The following SLC26A7 variants were observed in gnomAD, a reference collection of about 807,000 sequenced individuals.
SLC26A7 encodes anion exchange transporter.
A neutral mutation model predicts 82.5 loss-of-function variants in SLC26A7; 59 were observed. That is an observed-to-expected ratio of 0.72 (90% CI 0.58 to 0.89). The LOEUF is 0.89. SLC26A7 is among the 40% of genes least tolerant of loss of function. The pLI is 0.00. For synonymous variants in SLC26A7, 271 were observed against 274.3 expected, an observed-to-expected ratio of 0.99 and a Z score of 0.12; for missense variants, 820 against 793.0, an observed-to-expected ratio of 1.03 and a Z score of -0.41.
intron 4 of SLC26A7, among the ~76,000 whole-genome samples, chr8:91,316,004 T>G (rs1249039152): frequency 6.6e-6 from 1 of 152,168 alleles, no homozygotes; most frequent in Non-Finnish European, 1.5e-5. Context: ...TAGGATGTGG[T>G]AGAACCTGGG....
At chr8:91,382,768 G>T (rs1435650286) in intron 15 of SLC26A7, among the ~76,000 whole-genome samples, 1 of 152,020 alleles carries the variant, frequency 6.6e-6, no homozygotes, top group Admixed American at 6.6e-5. Context: ...AATTTCCATT[G>T]TATTATCCTT....
intron 15 of SLC26A7, among the ~76,000 whole-genome samples, chr8:91,377,141 T>C (rs1279705637): frequency 6.6e-6 from 1 of 152,094 alleles, no homozygotes; most frequent in African/African-American, 2.4e-5. Flanking sequence ...GGGTTCACTT[T>C]CAATAGTGGT....
chr8:91,297,248 A>T (rs1395923199), intron 4 of SLC26A7, among the ~76,000 whole-genome samples: 5 of 152,072 alleles, frequency 3.3e-5, no homozygotes, highest in Non-Finnish European at 1.5e-5. Context: ...ATCTAAGAGT[A>T]TACATAATTA....
chr8:91,245,831 T>C (rs1164673769), upstream of SLC26A7, among the ~76,000 whole-genome samples: 1 of 152,132 alleles, frequency 6.6e-6, no homozygotes, highest in Non-Finnish European at 1.5e-5. Context: ...CTGGCCAAAT[T>C]CCCTCACACT....
At chr8:91,383,817 C>G (rs980775999) in intron 15 of SLC26A7, among the ~76,000 whole-genome samples, 7 of 152,218 alleles carry the variant, frequency 4.6e-5, no homozygotes, top group Non-Finnish European at 1.5e-5. Flanking sequence ...AGTCTCAGCT[C>G]ACACATCACA....
intron 9 of SLC26A7, among the ~76,000 whole-genome samples, chr8:91,346,224 G>T (rs970832490): frequency 6.6e-6 from 1 of 152,058 alleles, no homozygotes; most frequent in African/African-American, 2.4e-5. Flanking sequence ...CCATTAAATT[G>T]CACAGGGAAA....
chr8:91,338,456 G>T (rs13263602), intron 7 of SLC26A7, among the ~76,000 whole-genome samples: 1 of 151,862 alleles, frequency 6.6e-6, no homozygotes, highest in African/African-American at 2.4e-5. Flanking sequence ...ATTGCTTCAG[G>T]TAAAAGGTTT....
chr8:91,362,437 A>G lies in SLC26A7; in HGVS notation c.1399A>G (p.Ile467Val), dbSNP rs201956264. The G allele has an allele frequency of 6.2e-7, 1 of 1,613,080 alleles. No individual in the cohort carries two copies. The highest frequency in any genetic ancestry group is 2.2e-5 in the East Asian group (1 of 44,850). The change falls in exon 12 of 19, where the codon ATA becomes GTA. Residue 467 changes from isoleucine to valine, a missense_variant. By Grantham distance (29) the Ile-to-Val change is conservative. Transcript: ENST00000276609. ...GTTTGGTGTTGTTTGTACCATAGCT[A>G]TAGTGATAGGACGCTTCCCAAGGTA... Reference protein sequence around the residue: ...LLFGVVCTIAIVIGRFPRAMT... With the variant: ...LLFGVVCTIAVVIGRFPRAMT...
At chr8:91,332,801 G>T (rs1430868945) in intron 5 of SLC26A7, among the ~76,000 whole-genome samples, 1 of 151,590 alleles carries the variant, frequency 6.6e-6, no homozygotes, top group Non-Finnish European at 1.5e-5. Flanking sequence ...CACAGTTCTG[G>T]GTGGTGAGCC....
chr8:91,394,551 G>T, intron 18 of SLC26A7: 3 of 1,240,974 alleles, frequency 2.4e-6, no homozygotes, highest in South Asian at 2.6e-5. Context: ...TGTTCTTAGA[G>T]CTTTAATTTC....
At chr8:91,281,116 G>A (rs1294546284) in intron 2 of SLC26A7, among the ~76,000 whole-genome samples, 2 of 152,116 alleles carry the variant, frequency 1.3e-5, no homozygotes, top group Non-Finnish European at 2.9e-5. Flanking sequence ...GCTTTAAAAA[G>A]TCTTAATCAA....
At chr8:91,237,386 G>T (rs545445081) in intron 2 of SLC26A7, among the ~76,000 whole-genome samples, 2 of 152,046 alleles carry the variant, frequency 1.3e-5, no homozygotes, top group Non-Finnish European at 2.9e-5. Context: ...GCTAAATCTG[G>T]CAATGCTTAG....
At chr8:91,362,329 T>C in intron 11 of SLC26A7, 24 bp from the exon 12 acceptor site, 1 of 1,571,884 alleles carries the variant, frequency 6.4e-7, no homozygotes, top group Non-Finnish European at 8.7e-7. Flanking sequence ...GATTCACAAC[T>C]TCTGTTTCTT....
At chr8:91,355,018 T>C (rs1813823479) in intron 11 of SLC26A7, among the ~76,000 whole-genome samples, 1 of 152,164 alleles carries the variant, frequency 6.6e-6, no homozygotes, top group African/African-American at 2.4e-5. Flanking sequence ...AGCTATTTCA[T>C]GGTGACAATA....
chr8:91,363,050 A>G (rs749710908), intron 12 of SLC26A7, among the ~76,000 whole-genome samples: 1 of 152,066 alleles, frequency 6.6e-6, no homozygotes, highest in Non-Finnish European at 1.5e-5. Context: ...GAAATAATGT[A>G]TTCTAAAAAA....
intron 2 of SLC26A7, among the ~76,000 whole-genome samples, chr8:91,279,967 C>G (rs1317735318): frequency 6.6e-6 from 1 of 152,110 alleles, no homozygotes; most frequent in African/African-American, 2.4e-5. Context: ...TATTTTCTTG[C>G]TCTTGAGTTG....
chr8:91,342,367 A>C (rs1230010806), intron 8 of SLC26A7, among the ~76,000 whole-genome samples: 3 of 152,138 alleles, frequency 2.0e-5, no homozygotes, highest in South Asian at 2.1e-4. Flanking sequence ...GCTTTCCACC[A>C]CCACAGCTCT....
In SLC26A7 at chr8:91,211,613, TA is replaced by T. The variant is rs201763057; in HGVS notation, c.-150+2072del. ...TTATACAAATATATATATATATATATATATTTTTTTTTTATTTTTTTTGCTT... is the reference window on the plus strand; with the variant it reads ...TTATACAAATATATATATATATATATTATTTTTTTTTTATTTTTTTTGCTT... On this transcript the variant is annotated intron_variant, in intron 1 of 5. Coordinates refer to the SLC26A7 transcript ENST00000522862. Among the ~76,000 whole-genome samples the T allele has an allele frequency of 4.5e-3, 613 of 135,124 alleles. 5 individuals carry two copies. The highest frequency in any genetic ancestry group is 0.015 in the African/African-American group (535 of 36,604). 88.6% of individuals were successfully genotyped at this position (135,124 alleles called of 152,430 possible).
intron 14 of SLC26A7, 148 bp downstream of exon 14, chr8:91,366,865 GT>G: frequency 2.2e-6 from 2 of 924,670 alleles, no homozygotes; most frequent in Non-Finnish European, 3.2e-6. Flanking sequence ...GATTATTTTA[GT>G]TAATTTTTAG....
Sources: gnomAD v4.1 joint callset for allele counts (sites outside exome capture counted in the v4.1 genomes callset) on GRCh38, gnomAD v4.1.1 for gene constraint, MANE v1.5 for transcripts, NCBI Gene and HGNC (gene_info 2026-07-23, HGNC 2026-07-21) for gene names.